The following RGP1 variants were observed in gnomAD, a reference collection of about 807,000 sequenced individuals.
The protein encoded by RGP1 is RAB6A-GEF complex partner protein 2.
A neutral mutation model predicts 44.5 loss-of-function variants in RGP1; 28 were observed. The ratio of observed to expected loss-of-function variants is 0.63; its 90% CI spans 0.47 to 0.86. RGP1 has a LOEUF of 0.86. Among genes scored for constraint, RGP1 ranks in the 40% least tolerant of loss-of-function variants. The pLI, the probability that RGP1 is intolerant of heterozygous loss-of-function variation, is 0.00. For synonymous variants in RGP1, 212 were observed against 196.7 expected, an observed-to-expected ratio of 1.08 and a Z score of -0.65; for missense variants, 417 against 490.7, an observed-to-expected ratio of 0.85 and a Z score of 1.42.
downstream of RGP1, among the ~76,000 whole-genome samples, chr9:35,759,426 G>A (rs144131414): frequency 3.3e-3 from 499 of 151,830 alleles, 3 homozygotes; most frequent in African/African-American, 0.011. Context: ...GCTGGGTGTG[G>A]TGGCGCGTTC....
chr9:35,750,113 G>T, intron 2 of RGP1, 130 bp from the exon 3 acceptor site: 1 of 1,329,594 alleles, frequency 7.5e-7, no homozygotes, highest in African/African-American at 1.5e-5. Flanking sequence ...TTTCTCTTTG[G>T]GATTGTGGAT....
chr9:35,789,530 C>T, the RGP1 span, among the ~76,000 whole-genome samples: 1 of 151,664 alleles, frequency 6.6e-6, no homozygotes. Flanking sequence ...TGGCCCCTTC[C>T]TACTTTCTAG....
chr9:35,777,644 C>T, the RGP1 span, among the ~76,000 whole-genome samples: 1 of 152,096 alleles, frequency 6.6e-6, no homozygotes, highest in Non-Finnish European at 1.5e-5. Context: ...GTAAGATGTT[C>T]TAGTTCTAAC....
Position 35,752,156 on chromosome 9 carries a change from C to G in RGP1, c.952+11C>G. The G allele has an allele frequency of 6.5e-7, 1 of 1,537,762 alleles. No homozygotes were observed. The highest frequency in any genetic ancestry group is 2.3e-5 in the East Asian group (1 of 44,330). On this transcript the variant is annotated intron_variant, in intron 8 of 8. Transcript: ENST00000378078. ...TCTGTACAGCCATTGGTGAGACCCT[C>G]ACTGTTACTGGAGAAGGGAGAGGGG... is the stretch of plus-strand genomic sequence containing the variant.
Position 35,754,241 on chromosome 9 carries a change from C to A in RGP1, c.*1367C>A. 3 of 1,367,854 alleles carry A rather than the reference C, an allele frequency of 2.2e-6. No homozygotes were observed. Among genetic ancestry groups the A allele is most frequent in the Non-Finnish European group, 3.0e-6 (3 of 1,012,116 alleles). 84.7% of individuals were successfully genotyped at this position (1,367,854 alleles called of 1,614,324 possible). On this transcript the variant is annotated 3_prime_UTR_variant, in exon 9 of 9. Coordinates refer to ENST00000378078, the MANE Select transcript of RGP1 (RefSeq NM_001080496.3). ...TTGAGTCTTAGTTTCTGTCTTTCTC[C>A]CCTGGGCTCCTGTCTCACACTATCT... is the stretch of plus-strand genomic sequence containing the variant.
chr9:35,756,344 C>G lies in RGP1; in HGVS notation c.*3470C>G, dbSNP rs1216727646. The G allele has an allele frequency of 6.6e-6, 1 of 152,296 alleles. No homozygotes were observed. The highest frequency in any genetic ancestry group is 1.5e-5 in the Non-Finnish European group (1 of 68,080). The allele number at this position is 152,296 out of a possible 1,614,324, so 9.4% of individuals were successfully genotyped here. A position where few individuals can be genotyped will look rare whatever the true frequency, so the allele number is the denominator to read the frequency against. The stretch of plus-strand genomic sequence containing the variant: ...CCCTACCTGTCATCTCTTCACTGTT[C>G]AGAAATGACTGTGTCAGTGCACCTC... On this transcript the variant is annotated 3_prime_UTR_variant, in exon 9 of 9. Transcript: ENST00000378078.
At chr9:35,751,471 A>C in intron 6 of RGP1, 59 bp downstream of exon 6, 1 of 1,608,390 alleles carries the variant, frequency 6.2e-7, no homozygotes. Flanking sequence ...TTCCCATCTC[A>C]GAGACAGTCT....
chr9:35,753,560 C>T lies in RGP1; in HGVS notation c.*686C>T. The T allele has an allele frequency of 2.9e-6, 3 of 1,043,296 alleles. No homozygotes were observed. The highest frequency in any genetic ancestry group is 4.3e-6 in the Non-Finnish European group (3 of 696,912). 64.6% of individuals were successfully genotyped at this position (1,043,296 alleles called of 1,614,324 possible). A position where few individuals can be genotyped will look rare whatever the true frequency, so the allele number is the denominator to read the frequency against. The stretch of plus-strand genomic sequence containing the variant: ...CAGGTTTGGCCCATCTTGTATTGCT[C>T]TTCTGTTCATTCTTACATCACAGCA... On this transcript the variant is annotated 3_prime_UTR_variant, in exon 9 of 9. Transcript: ENST00000378078. The surrounding 1 kb of genome is among the most constrained non-coding windows in gnomAD (Gnocchi z 4.2).
In RGP1 at chr9:35,753,020, G is replaced by A. The variant is rs1399809096; in HGVS notation, c.*146G>A. On this transcript the variant is annotated 3_prime_UTR_variant, in exon 9 of 9. Coordinates refer to ENST00000378078, the MANE Select transcript of RGP1 (RefSeq NM_001080496.3). The surrounding 1 kb of genome is among the most constrained non-coding windows in gnomAD (Gnocchi z 4.2). ...GCTATAGCATTAATTTATTTGTTCA[G>A]AATACATTGGCAGCTGCTAGTGGTT... The A allele has an allele frequency of 2.6e-6, 4 of 1,564,828 alleles. No homozygotes were observed. The East Asian group carries it at 6.8e-5, about 26-fold the overall frequency.
chr9:35,750,685 C>T lies in RGP1; in HGVS notation c.281C>T (p.Thr94Ile), dbSNP rs971174188. Reference sequence around the variant, plus strand: ...GAGAGGGGCCAGTGTATCCTTTCTACTCCACCGAAAATTCTATTCTGTGAC... The same window carrying T: ...GAGAGGGGCCAGTGTATCCTTTCTATTCCACCGAAAATTCTATTCTGTGAC... ...RGERGQCILS[T>I]PPKILFCDLR... Residue 94 changes from threonine (T) to isoleucine (I), a missense_variant, in exon 4 of 9, where the codon ACT (threonine) becomes ATT (isoleucine). Thr to Ile is a moderately conservative substitution (Grantham distance 89). Coordinates refer to ENST00000378078, the MANE Select transcript of RGP1 (RefSeq NM_001080496.3). The T allele has an allele frequency of 5.0e-6, 8 of 1,614,024 alleles. No homozygotes were observed. Among genetic ancestry groups the T allele is most frequent in the Non-Finnish European group, 6.8e-6 (8 of 1,179,898 alleles).
At chr9:35,777,617 C>T in the RGP1 span, among the ~76,000 whole-genome samples, 1 of 152,140 alleles carries the variant, frequency 6.6e-6, no homozygotes, top group East Asian at 1.9e-4. Context: ...ACGCGCCCAG[C>T]CTGGTACTTG....
the RGP1 span, chr9:35,780,262 C>T: frequency 1.1e-4 from 17 of 152,244 alleles, no homozygotes; most frequent in African/African-American, 4.1e-4. Context: ...TTCTCTCCAC[C>T]GCAGGTTCCT....
chr9:35,751,920 A>G, intron 7 of RGP1, 36 bp from the exon 8 acceptor site: 1 of 1,558,400 alleles, frequency 6.4e-7, no homozygotes, highest in Non-Finnish European at 8.7e-7. Flanking sequence ...TACAGACAGC[A>G]CTTCCTGTTA....
chr9:35,789,517 GC>G, the RGP1 span, among the ~76,000 whole-genome samples: 230 of 152,072 alleles, frequency 1.5e-3, no homozygotes, highest in Middle Eastern at 3.4e-3. Context: ...GAGCCACCGT[GC>G]CTGGCCCCTT....
chr9:35,764,137 A>G, the RGP1 span, among the ~76,000 whole-genome samples: 1 of 152,230 alleles, frequency 6.6e-6, no homozygotes, highest in East Asian at 1.9e-4. Flanking sequence ...ATAAAATAAA[A>G]AGAAGAAGAA....
chr9:35,771,357 G>A, the RGP1 span, among the ~76,000 whole-genome samples: 1 of 152,244 alleles, frequency 6.6e-6, no homozygotes, highest in African/African-American at 2.4e-5. Context: ...AGCCTTGGAA[G>A]TTCTGTTCTC....
At chr9:35,758,655 C>T (rs1004070709), downstream of RGP1, 2 of 152,226 alleles carry the variant, frequency 1.3e-5, no homozygotes, top group African/African-American at 4.8e-5. Context: ...CCCAGCCCTA[C>T]TCTATTCCCA....
At position 35,751,634 on chromosome 9, in the gene RGP1, C is replaced by T. The variant is rs752644816; in HGVS notation, c.642C>T (p.Tyr214=). The stretch of plus-strand genomic sequence containing the variant: ...GTGTCCTATTCTCCCCAGATCTATA[C>T]AATATCAGTGATGGCCGAGGGAAAG... ...AATSCRSLHL[Y]NISDGRGKVG... Residue 214 remains tyrosine (Y), a synonymous_variant, in exon 7 of 9, where the codon TAC becomes TAT. Transcript: ENST00000378078. 1 of 1,613,978 alleles carries T rather than the reference C, an allele frequency of 6.2e-7. No individual in the cohort carries two copies. Among genetic ancestry groups the T allele is most frequent in the African/African-American group, 1.3e-5 (1 of 75,032 alleles).
At chr9:35,766,931 T>C in the RGP1 span, among the ~76,000 whole-genome samples, 2 of 152,164 alleles carry the variant, frequency 1.3e-5, no homozygotes, top group Admixed American at 1.3e-4. Context: ...TATATTTGAG[T>C]GGGTGAAATT....
Sources: gnomAD v4.1 joint callset for allele counts (sites outside exome capture counted in the v4.1 genomes callset) on GRCh38, gnomAD v4.1.1 for gene constraint, Gnocchi (gnomAD v3.1) non-coding constraint, MANE v1.5 for transcripts, NCBI Gene and HGNC (gene_info 2026-07-23, HGNC 2026-07-21) for gene names.